Variants in FMN1 observed in about 807,000 individuals in gnomAD.
The protein encoded by FMN1 is formin-1.
A neutral mutation model predicts 132.4 loss-of-function variants in FMN1; 110 were observed. That is an observed-to-expected ratio of 0.83 (90% CI 0.71 to 0.97). FMN1 has a LOEUF of 0.97. FMN1 is among the 50% of genes least tolerant of loss of function. FMN1 has a pLI of 0.00. For synonymous variants in FMN1, 722 were observed against 651.7 expected (o/e 1.11, Z -1.64); for missense variants, 1,792 against 1,705.3 (o/e 1.05, Z -0.90).
rs2036783783 is a variant in FMN1, at chr15:33,048,273, A to ATGTGGAATTAGCCATATCCCTTAGC, written c.2161+16659_2161+16683dup. On this transcript the variant is annotated intron_variant, in intron 6 of 20. Coordinates refer to ENST00000616417, the MANE Select transcript of FMN1 (RefSeq NM_001277313.2). ...AAGATTCTACATAAGGCCTGGGGACATGTGGAATTAGCCATATCCCTTAGC... is the reference window on the plus strand; with the variant it reads ...AAGATTCTACATAAGGCCTGGGGACATGTGGAATTAGCCATATCCCTTAGCTGTGGAATTAGCCATATCCCTTAGC... 5.3e-5 allele frequency among the ~76,000 whole-genome samples: 8 copies of ATGTGGAATTAGCCATATCCCTTAGC among 152,294 alleles called. No individual in the cohort carries two copies. The South Asian group carries it at 1.4e-3, about 28-fold the overall frequency.
At chr15:33,034,927 C>A (rs2036118989) in intron 6 of FMN1, among the ~76,000 whole-genome samples, 1 of 152,326 alleles carries the variant, frequency 6.6e-6, no homozygotes, top group East Asian at 1.9e-4. Context: ...TCACCCAACA[C>A]AAAAGCCAAT....
At chr15:32,774,384 T>C in intron 20 of FMN1, 30 bp from the exon 21 acceptor site, 4 of 1,540,988 alleles carry the variant, frequency 2.6e-6, no homozygotes, top group Non-Finnish European at 3.5e-6. Flanking sequence ...GAATGTATCA[T>C]TTTCTTTCAT....
intron 16 of FMN1, among the ~76,000 whole-genome samples, chr15:32,873,357 A>G (rs1322930656): frequency 1.3e-5 from 2 of 152,242 alleles, no homozygotes; most frequent in Non-Finnish European, 2.9e-5. Context: ...AGTGGCCAAT[A>G]GTCTCGCTTG....
At chr15:33,033,322 G>T (rs2036034804) in intron 6 of FMN1, among the ~76,000 whole-genome samples, 1 of 152,092 alleles carries the variant, frequency 6.6e-6, no homozygotes, top group Non-Finnish European at 1.5e-5. Context: ...GAGCCACCAC[G>T]CCTGGCTCAT....
At position 33,127,171 on chromosome 15, in the gene FMN1, GA is replaced by G. The variant is rs1192433195; in HGVS notation, c.1867+25876del. 3.4e-4 allele frequency among the ~76,000 whole-genome samples: 26 copies of G among 75,872 alleles called. No homozygotes were observed. The East Asian group carries it at 0.034, about 99-fold the overall frequency. The allele number at this position is 75,872 out of a possible 152,430, so 49.8% of individuals were successfully genotyped here. ...CCCATGTTACATTCTCTCAAACAGA[GA>G]GGAGGTCAGGCCAGATCTGTTTCTC... is the stretch of plus-strand genomic sequence containing the variant. On this transcript the variant is annotated intron_variant, in intron 4 of 20. Coordinates refer to ENST00000616417, the MANE Select transcript of FMN1 (RefSeq NM_001277313.2).
chr15:32,974,605 C>T (rs995917038), intron 7 of FMN1, among the ~76,000 whole-genome samples: 12 of 152,176 alleles, frequency 7.9e-5, no homozygotes, highest in African/African-American at 2.9e-4. Context: ...TGCTCAGGCC[C>T]ATCCCCACAG....
chr15:32,806,750 G>A (rs2057695640), intron 17 of FMN1, among the ~76,000 whole-genome samples: 1 of 152,148 alleles, frequency 6.6e-6, no homozygotes, highest in South Asian at 2.1e-4. Flanking sequence ...CTCCTCTCTG[G>A]GACACCCTGA....
intron 7 of FMN1, among the ~76,000 whole-genome samples, chr15:33,002,528 T>A (rs2034177217): frequency 6.6e-6 from 1 of 152,210 alleles, no homozygotes; most frequent in Non-Finnish European, 1.5e-5. Context: ...TGTCTCATTT[T>A]ATTTTCAGTA....
intron 10 of FMN1, among the ~76,000 whole-genome samples, 166 bp downstream of exon 10, chr15:32,926,008 G>A (rs891889775): frequency 5.9e-5 from 9 of 152,080 alleles, no homozygotes. Flanking sequence ...GGTGAGAGGG[G>A]GGCATTTTCA....
intron 5 of FMN1, among the ~76,000 whole-genome samples, chr15:33,065,298 A>G (rs1432412700): frequency 6.6e-6 from 1 of 152,208 alleles, no homozygotes; most frequent in Non-Finnish European, 1.5e-5. Context: ...AAAAACCTCA[A>G]GGCTAAGTAT....
At chr15:32,779,225 C>CCATA (rs777588334) in intron 19 of FMN1, among the ~76,000 whole-genome samples, 5 of 151,946 alleles carry the variant, frequency 3.3e-5, no homozygotes, top group Admixed American at 6.5e-5. Flanking sequence ...TGGTTGTAGA[C>CCATA]CCTTGTGAAC....
In FMN1 at chr15:33,148,965, A is replaced by G. The variant is rs934844226; in HGVS notation, c.1867+4083T>C. On this transcript the variant is annotated intron_variant, in intron 4 of 20. Transcript: ENST00000616417. ...TACTTTAGCTATAATTGTACTCCCC[A>G]CCCCCGACCCCACACACAAGCACTC... is the stretch of plus-strand genomic sequence containing the variant. 9.3e-5 allele frequency among the ~76,000 whole-genome samples: 10 copies of G among 107,516 alleles called. No individual in the cohort carries two copies. In the East Asian group the frequency reaches 3.1e-3, roughly 34 times the overall value. 70.5% of individuals were successfully genotyped at this position (107,516 alleles called of 152,430 possible). A position where few individuals can be genotyped will look rare whatever the true frequency, so the allele number is the denominator to read the frequency against.
At chr15:32,875,228 T>TTAGTAAAGTCACACAGACAGTAAG (rs2059610539) in intron 16 of FMN1, among the ~76,000 whole-genome samples, 1 of 152,182 alleles carries the variant, frequency 6.6e-6, no homozygotes, top group Non-Finnish European at 1.5e-5. Context: ...TTGGTGAGTA[T>TTAGTAAAGTCACACAGACAGTAAG]TAGTAAAGTC....
intron 17 of FMN1, among the ~76,000 whole-genome samples, chr15:32,845,576 T>C (rs1258784): frequency 0.23 from 35,329 of 152,068 alleles, 4,393 homozygotes; most frequent in East Asian, 0.44. Flanking sequence ...AACGCTGGGA[T>C]TGAGCTCACC....
chr15:32,934,752 G>A (rs949544165), intron 9 of FMN1, among the ~76,000 whole-genome samples: 21 of 150,768 alleles, frequency 1.4e-4, no homozygotes, highest in African/African-American at 3.7e-4. Context: ...GATTATAGGC[G>A]TCCCCTGCCA....
chr15:33,060,350 CT>C (rs1186920475), intron 6 of FMN1, among the ~76,000 whole-genome samples: 1 of 152,190 alleles, frequency 6.6e-6, no homozygotes, highest in Non-Finnish European at 1.5e-5. Flanking sequence ...GTTTATAACT[CT>C]CTTTGACTGA....
At chr15:33,152,788 C>CAAAAAAAAAAA (rs367698101) in intron 4 of FMN1, among the ~76,000 whole-genome samples, 2,219 of 64,296 alleles carry the variant, frequency 0.035, 88 homozygotes, top group Middle Eastern at 0.073. Context: ...TAGAGGATGC[C>CAAAAAAAAAAA]AAAAAAAAAA....
intron 19 of FMN1, among the ~76,000 whole-genome samples, chr15:32,791,783 A>G (rs2140943726): frequency 6.6e-6 from 1 of 152,278 alleles, no homozygotes; most frequent in South Asian, 2.1e-4. Context: ...TAATAGGAGG[A>G]GGATAGTGTT....
intron 6 of FMN1, chr15:33,012,555 C>T: frequency 2.6e-6 from 4 of 1,519,792 alleles, no homozygotes; most frequent in Middle Eastern, 2.3e-4. Context: ...AGAAAAGGGG[C>T]TTTGCCTTTG....
Sources: gnomAD v4.1 joint callset for allele counts (sites outside exome capture counted in the v4.1 genomes callset) on GRCh38, gnomAD v4.1.1 for gene constraint, MANE v1.5 for transcripts, NCBI Gene and HGNC (gene_info 2026-07-23, HGNC 2026-07-21) for gene names.